Variants in TPP2 observed in about 807,000 individuals in gnomAD.
TPP2 encodes tripeptidyl-peptidase 2.
In TPP2, 34 loss-of-function variants were observed where a neutral mutation model predicts 155.9. The observed-to-expected ratio is 0.22, with a 90% CI of 0.17 to 0.29. The LOEUF (loss-of-function observed/expected upper bound fraction) is 0.29. TPP2 is among the 10% of genes least tolerant of loss of function. The probability of loss-of-function intolerance (pLI) is 1.00; values close to 1 mark genes in which losing one functional copy is unlikely to be tolerated. For missense variants in TPP2, 1,028 were observed against 1,522.3 expected, an observed-to-expected ratio of 0.68 and a Z score of 5.40; for synonymous variants, 510 against 529.4, an observed-to-expected ratio of 0.96 and a Z score of 0.50.
intron 19 of TPP2, among the ~76,000 whole-genome samples, chr13:102,645,379 A>G (rs1883035191): frequency 6.6e-6 from 1 of 152,246 alleles, no homozygotes; most frequent in Non-Finnish European, 1.5e-5. Flanking sequence ...ATTAAATGGT[A>G]GAAACTTAAG....
At chr13:102,675,776 A>G (rs374047173) in intron 28 of TPP2, among the ~76,000 whole-genome samples, 2 of 152,318 alleles carry the variant, frequency 1.3e-5, no homozygotes, top group East Asian at 3.9e-4. Flanking sequence ...CCTTTACAAT[A>G]CAAATCAGTG....
chr13:102,644,458 A>G, intron 17 of TPP2, 99 bp from the exon 18 acceptor site: 1 of 1,015,416 alleles, frequency 9.8e-7, no homozygotes, highest in Non-Finnish European at 1.4e-6. Flanking sequence ...CAAACAGGAA[A>G]AGTTTGAAAA....
chr13:102,622,322 C>T (rs907376405), intron 5 of TPP2, among the ~76,000 whole-genome samples: 10 of 152,008 alleles, frequency 6.6e-5, no homozygotes, highest in South Asian at 6.2e-4. Flanking sequence ...CTAAAGTGTT[C>T]GGAATATAAT....
intron 27 of TPP2, among the ~76,000 whole-genome samples, chr13:102,668,893 G>A (rs1057467824): frequency 2.4e-4 from 37 of 152,268 alleles, no homozygotes; most frequent in South Asian, 8.3e-4. Context: ...GGTTTGTGTC[G>A]TCTGAAGAAG....
intron 5 of TPP2, among the ~76,000 whole-genome samples, chr13:102,619,890 C>G (rs1595149603): frequency 6.6e-6 from 1 of 152,166 alleles, no homozygotes; most frequent in African/African-American, 2.4e-5. Flanking sequence ...CATCCACCAT[C>G]TGGGGTAACA....
At chr13:102,675,430 C>G (rs1885227565) in intron 28 of TPP2, among the ~76,000 whole-genome samples, 1 of 152,122 alleles carries the variant, frequency 6.6e-6, no homozygotes, top group Non-Finnish European at 1.5e-5. Context: ...ATTTTGATAC[C>G]TTAGTTTCTT....
intron 10 of TPP2, among the ~76,000 whole-genome samples, chr13:102,632,763 G>A (rs912367860): frequency 1.3e-5 from 2 of 152,150 alleles, no homozygotes; most frequent in South Asian, 2.1e-4. Flanking sequence ...CTTGTTATCT[G>A]TGATATGTGC....
At chr13:102,603,099 A>C (rs2139407955) in intron 1 of TPP2, among the ~76,000 whole-genome samples, 1 of 152,314 alleles carries the variant, frequency 6.6e-6, no homozygotes, top group East Asian at 1.9e-4. Flanking sequence ...TGTAGCAATC[A>C]TGTTATGGCT....
chr13:102,614,428 G>A (rs1880563358), intron 3 of TPP2, among the ~76,000 whole-genome samples: 1 of 152,172 alleles, frequency 6.6e-6, no homozygotes, highest in African/African-American at 2.4e-5. Flanking sequence ...GGGAATCTGT[G>A]AATACACTGA....
At chr13:102,632,492 G>A (rs762490912) in intron 10 of TPP2, among the ~76,000 whole-genome samples, 10 of 152,098 alleles carry the variant, frequency 6.6e-5, no homozygotes, top group African/African-American at 1.2e-4. Flanking sequence ...TGCCCGCCTC[G>A]GCCTCCGAAA....
intron 1 of TPP2, 109 bp downstream of exon 1, chr13:102,597,312 C>A (rs1413557857): frequency 6.2e-6 from 4 of 647,344 alleles, no homozygotes; most frequent in South Asian, 9.4e-5. Flanking sequence ...GCGGCCGAGT[C>A]CGGGCCGGGG....
chr13:102,667,978 G>T, intron 27 of TPP2: 1 of 210,028 alleles, frequency 4.8e-6, no homozygotes, highest in Non-Finnish European at 8.3e-6. Context: ...CATTTATTTA[G>T]TAGAGATTTA....
intron 2 of TPP2, among the ~76,000 whole-genome samples, chr13:102,609,663 C>T (rs987278938): frequency 6.6e-6 from 1 of 151,928 alleles, no homozygotes; most frequent in Non-Finnish European, 1.5e-5. Flanking sequence ...TCCCAAAGTG[C>T]TGGGATTACA....
intron 2 of TPP2, among the ~76,000 whole-genome samples, chr13:102,611,917 G>A (rs549119344): frequency 6.6e-6 from 1 of 152,124 alleles, no homozygotes; most frequent in South Asian, 2.1e-4. Flanking sequence ...CTTTTCACTT[G>A]GCACCCTTCA....
chr13:102,638,351 C>T (rs755586142), intron 15 of TPP2, 36 bp downstream of exon 15: 24 of 1,587,976 alleles, frequency 1.5e-5, no homozygotes, highest in Non-Finnish European at 8.6e-7. Context: ...ACTGGTACAT[C>T]TAAGATTTTA....
chr13:102,673,182 G>T (rs1271697534), intron 27 of TPP2, among the ~76,000 whole-genome samples: 1 of 152,158 alleles, frequency 6.6e-6, no homozygotes, highest in Admixed American at 6.5e-5. Flanking sequence ...AGATTAACAG[G>T]ACTCCTTGGT....
In TPP2 at chr13:102,597,026, C is replaced by G. The variant is rs566739450; in HGVS notation, c.-13C>G. On this transcript the variant is annotated 5_prime_UTR_variant, in exon 1 of 30. Transcript: ENST00000376052. ...TGGCAGTTTGCCGCTTCCTCGTCCT[C>G]CATCCTGCGTCCATGGCCACCGCTG... is the stretch of plus-strand genomic sequence containing the variant. 6.2e-6 allele frequency: 10 copies of G among 1,610,932 alleles called. 1 individual carries two copies. The South Asian group carries it at 6.6e-5, about 11-fold the overall frequency.
intron 27 of TPP2, chr13:102,667,777 A>C: frequency 1.0e-6 from 1 of 985,468 alleles, no homozygotes; most frequent in Non-Finnish European, 1.2e-6. Flanking sequence ...TGATTTCTGC[A>C]TCATTCCAGC....
At chr13:102,672,659 G>A (rs758196737) in intron 27 of TPP2, among the ~76,000 whole-genome samples, 3 of 152,072 alleles carry the variant, frequency 2.0e-5, no homozygotes, top group Non-Finnish European at 4.4e-5. Context: ...AGTTGTGCCC[G>A]ACACCTTGGA....
Sources: gnomAD v4.1 joint callset for allele counts (sites outside exome capture counted in the v4.1 genomes callset) on GRCh38, gnomAD v4.1.1 for gene constraint, MANE v1.5 for transcripts, NCBI Gene and HGNC (gene_info 2026-07-23, HGNC 2026-07-21) for gene names.